EHBP1: variants seen among roughly 807,000 people sequenced by gnomAD.
The protein encoded by EHBP1 is EH domain-binding protein 1.
Under a neutral mutation model 144.0 loss-of-function variants are expected in EHBP1, and 55 were observed. The observed-to-expected ratio is 0.38, with a 90% CI of 0.31 to 0.48. The LOEUF is 0.48. Ranked by LOEUF, EHBP1 falls within the 20% of genes least tolerant of loss-of-function variation. EHBP1 has a pLI of 0.98. For missense variants in EHBP1, 1,200 were observed against 1,364.2 expected (o/e 0.88, Z 1.90); for synonymous variants, 469 against 472.7 (o/e 0.99, Z 0.10).
At chr2:62,882,210 T>G (rs2051495158) in intron 10 of EHBP1, among the ~76,000 whole-genome samples, 1 of 152,252 alleles carries the variant, frequency 6.6e-6, no homozygotes, top group Non-Finnish European at 1.5e-5. Context: ...AGTTCCTCAT[T>G]CAGCCATTCC....
chr2:62,800,138 C>T (rs1427254865), intron 5 of EHBP1, among the ~76,000 whole-genome samples: 1 of 152,080 alleles, frequency 6.6e-6, no homozygotes, highest in Non-Finnish European at 1.5e-5. Flanking sequence ...CTGAATGTCC[C>T]TTGTCCTTTT....
chr2:62,869,924 G>A (rs2050329568), intron 9 of EHBP1, among the ~76,000 whole-genome samples: 1 of 152,190 alleles, frequency 6.6e-6, no homozygotes, highest in African/African-American at 2.4e-5. Flanking sequence ...TAACTGGTGT[G>A]TGACGGGAGA....
intron 5 of EHBP1, among the ~76,000 whole-genome samples, chr2:62,788,400 G>A (rs1471065099): frequency 6.6e-6 from 1 of 151,688 alleles, no homozygotes; most frequent in Non-Finnish European, 1.5e-5. Flanking sequence ...GATAGTATAG[G>A]TGGAGGGGTG....
At chr2:62,727,443 C>G (rs2036934766) in intron 2 of EHBP1, among the ~76,000 whole-genome samples, 1 of 152,024 alleles carries the variant, frequency 6.6e-6, no homozygotes, top group Non-Finnish European at 1.5e-5. Context: ...TGAAAAAATC[C>G]CGTACCTGTT....
chr2:62,937,591 C>T (rs901757506), intron 10 of EHBP1, among the ~76,000 whole-genome samples: 1 of 151,986 alleles, frequency 6.6e-6, no homozygotes, highest in African/African-American at 2.4e-5. Context: ...ATGGCAATTG[C>T]GAGGAGATTT....
rs369002971 is a variant in EHBP1, at chr2:62,859,147, T to G, written c.635-22T>G. ...CTTACACTTAACCATAATAGGGAAC[T>G]AACCCATATGTTTATTTTCAGAGCT... On this transcript the variant is annotated intron_variant, in intron 7 of 22. Coordinates refer to ENST00000431489, the MANE Select transcript of EHBP1 (RefSeq NM_001142616.3). The G allele has an allele frequency of 1.9e-5, 30 of 1,600,156 alleles. No homozygotes were observed. The African/African-American group carries it at 3.1e-4, about 16-fold the overall frequency.
At chr2:62,958,413 T>A (rs889266567) in intron 14 of EHBP1, among the ~76,000 whole-genome samples, 1 of 152,058 alleles carries the variant, frequency 6.6e-6, no homozygotes, top group Non-Finnish European at 1.5e-5. Flanking sequence ...AGATGCACAA[T>A]AATGTAAATG....
chr2:62,919,062 G>A (rs1220561315), intron 10 of EHBP1, among the ~76,000 whole-genome samples: 6 of 152,230 alleles, frequency 3.9e-5, no homozygotes, highest in Non-Finnish European at 7.3e-5. Flanking sequence ...AGTCATGTAG[G>A]TGTTCCTGGA....
intron 5 of EHBP1, among the ~76,000 whole-genome samples, chr2:62,800,255 AC>A (rs763412794): frequency 6.6e-6 from 1 of 152,134 alleles, no homozygotes; most frequent in Non-Finnish European, 1.5e-5. Context: ...AATCTCATCT[AC>A]CTCATGATTT....
At position 63,027,072 on chromosome 2, in the gene EHBP1, A is replaced by C. The variant is rs778860113; in HGVS notation, c.3104-10463A>C. Among the ~76,000 whole-genome samples, 3 of 152,172 alleles carry C rather than the reference A, an allele frequency of 2.0e-5. No individual in the cohort carries two copies. The East Asian group carries it at 5.8e-4, about 29-fold the overall frequency. On this transcript the variant is annotated intron_variant, in intron 19 of 22. Coordinates refer to ENST00000431489, the MANE Select transcript of EHBP1 (RefSeq NM_001142616.3). ...ATTACCTGTGAGTCCTTAAGTGTCA[A>C]ATGGGTGGCTAAGAGTGGTGGCTCA...
chr2:62,698,645 T>C lies in EHBP1; in HGVS notation c.-295-8252T>C, dbSNP rs1037285416. ...AGTTGTGACAGAATATGAAGAAATA[T>C]CCAGCGGCTCTCACAAAGTCATCTT... On this transcript the variant is annotated intron_variant, in intron 1 of 22. Transcript: ENST00000405015. Among the ~76,000 whole-genome samples the C allele has an allele frequency of 7.2e-5, 11 of 152,300 alleles. No individual in the cohort carries two copies. The South Asian group carries it at 2.3e-3, about 32-fold the overall frequency.
intron 2 of EHBP1, among the ~76,000 whole-genome samples, chr2:62,746,134 TCTC>T (rs1243706115): frequency 6.6e-6 from 1 of 152,068 alleles, no homozygotes; most frequent in Non-Finnish European, 1.5e-5. Flanking sequence ...TGGCTACTGT[TCTC>T]CTCTTGTTAA....
rs574850659 is a variant in EHBP1 at position 62,848,574 on chromosome 2, A to G, written c.635-10595A>G. 9.2e-5 allele frequency among the ~76,000 whole-genome samples: 14 copies of G among 152,388 alleles called. No individual in the cohort carries two copies. In the South Asian group the frequency reaches 2.9e-3, roughly 32 times the overall value. Reference sequence around the variant, plus strand: ...AGAATGGCTAAACCGTAGTATGTTCATGAATGGAATACTACTCAGCAATAA... The same window carrying G: ...AGAATGGCTAAACCGTAGTATGTTCGTGAATGGAATACTACTCAGCAATAA... On this transcript the variant is annotated intron_variant, in intron 7 of 22. Coordinates refer to ENST00000431489, the MANE Select transcript of EHBP1 (RefSeq NM_001142616.3).
intron 19 of EHBP1, among the ~76,000 whole-genome samples, chr2:63,007,982 AGT>A (rs1306391445): frequency 2.6e-5 from 4 of 151,734 alleles, no homozygotes; most frequent in Admixed American, 6.6e-5. Context: ...CCATATGTGC[AGT>A]GGTCTTAGGC....
chr2:62,687,488 T>C (rs1198485519), intron 1 of EHBP1, among the ~76,000 whole-genome samples: 1 of 152,216 alleles, frequency 6.6e-6, no homozygotes, highest in Non-Finnish European at 1.5e-5. Context: ...AGGTGGGTCG[T>C]AATAGATGGG....
chr2:62,841,305 A>G (rs2047830859), intron 7 of EHBP1, among the ~76,000 whole-genome samples: 1 of 138,472 alleles, frequency 7.2e-6, no homozygotes, highest in African/African-American at 2.7e-5. Flanking sequence ...TCACATGGAC[A>G]CAGGAAGGGG....
At chr2:62,950,227 C>T (rs931968639) in intron 13 of EHBP1, among the ~76,000 whole-genome samples, 1 of 151,906 alleles carries the variant, frequency 6.6e-6, no homozygotes, top group Non-Finnish European at 1.5e-5. Context: ...CTGAAGTTCT[C>T]CAAGTCCCTT....
At chr2:62,850,072 C>T (rs578004011) in intron 7 of EHBP1, among the ~76,000 whole-genome samples, 124 of 152,110 alleles carry the variant, frequency 8.2e-4, no homozygotes, top group South Asian at 3.1e-3. Flanking sequence ...ACTCTCTGTC[C>T]GAGATAGGAG....
At chr2:62,756,694 G>C (rs564831280) in intron 3 of EHBP1, among the ~76,000 whole-genome samples, 24 of 151,780 alleles carry the variant, frequency 1.6e-4, no homozygotes, top group Admixed American at 1.4e-3. Flanking sequence ...CTTGAACCCG[G>C]GTGGTGGAGG....
Sources: allele counts gnomAD v4.1 joint callset (sites outside exome capture counted in the v4.1 genomes callset), GRCh38; gene constraint gnomAD v4.1.1; transcripts MANE v1.5; gene names NCBI Gene and HGNC (gene_info 2026-07-23, HGNC 2026-07-21).